Variants in RASGRF1 observed in about 807,000 individuals in gnomAD.
RASGRF1 encodes the protein Ras protein specific guanine nucleotide releasing factor 1, also known as ras-specific guanine nucleotide-releasing factor 1.
A neutral mutation model predicts 138.7 loss-of-function variants in RASGRF1; 40 were observed. The observed-to-expected ratio is 0.29, with a 90% CI of 0.22 to 0.38. The LOEUF (loss-of-function observed/expected upper bound fraction) is 0.38, where lower values mean the gene tolerates loss of function less well. RASGRF1 is among the 10% of genes least tolerant of loss of function. The pLI is 1.00. For synonymous variants in RASGRF1, 614 were observed against 663.2 expected, an observed-to-expected ratio of 0.93 and a Z score of 1.14; for missense variants, 1,108 against 1,650.4, an observed-to-expected ratio of 0.67 and a Z score of 5.69.
At chr15:78,965,551 T>C (rs1248382162) in intron 26 of RASGRF1, among the ~76,000 whole-genome samples, 1 of 152,118 alleles carries the variant, frequency 6.6e-6, no homozygotes, top group Non-Finnish European at 1.5e-5. Flanking sequence ...CACACTGGTA[T>C]AAGAATCTCA....
intron 7 of RASGRF1, among the ~76,000 whole-genome samples, chr15:79,031,725 G>A (rs2057141076): frequency 1.3e-5 from 2 of 151,146 alleles, no homozygotes; most frequent in South Asian, 4.2e-4. Flanking sequence ...TGAGCATGGG[G>A]TGCGGGCCAG....
chr15:79,083,439 G>A (rs1043372295), intron 1 of RASGRF1, among the ~76,000 whole-genome samples: 2 of 152,228 alleles, frequency 1.3e-5, no homozygotes, highest in African/African-American at 2.4e-5. Flanking sequence ...CAGATTCCAG[G>A]GAAACCGGAT....
chr15:79,057,970 C>G (rs747016955), intron 3 of RASGRF1, among the ~76,000 whole-genome samples: 1 of 152,212 alleles, frequency 6.6e-6, no homozygotes, highest in Non-Finnish European at 1.5e-5. Flanking sequence ...GCAGAATGCT[C>G]AGTCAATACA....
chr15:78,962,766 C>G (rs890350036), intron 26 of RASGRF1, among the ~76,000 whole-genome samples: 2 of 152,058 alleles, frequency 1.3e-5, no homozygotes, highest in Non-Finnish European at 2.9e-5. Flanking sequence ...ACCTGTGGTT[C>G]CAGTTACATG....
At chr15:79,031,566 G>T in intron 7 of RASGRF1, 57 bp from the exon 8 acceptor site, 1 of 1,154,074 alleles carries the variant, frequency 8.7e-7, no homozygotes, top group East Asian at 3.3e-5. Context: ...TATGGCCGGG[G>T]AGCAAGGCAG....
chr15:79,086,068 A>C (rs2057975397), intron 1 of RASGRF1, among the ~76,000 whole-genome samples: 1 of 152,088 alleles, frequency 6.6e-6, no homozygotes, highest in Admixed American at 6.5e-5. Context: ...AGTAGCCCAC[A>C]CAGTTGATCC....
intron 13 of RASGRF1, among the ~76,000 whole-genome samples, chr15:79,014,709 A>G (rs1223108123): frequency 2.0e-5 from 3 of 152,160 alleles, no homozygotes; most frequent in African/African-American, 7.2e-5. Context: ...GATGGTCAGG[A>G]GATCGAGACC....
chr15:79,045,642 AC>A (rs1270284797), intron 5 of RASGRF1, among the ~76,000 whole-genome samples: 1 of 151,834 alleles, frequency 6.6e-6, no homozygotes, highest in East Asian at 1.9e-4. Flanking sequence ...AACCTGTCCC[AC>A]CCCAGTGACT....
Position 78,991,785 on chromosome 15 carries a change from C to G in RASGRF1, c.3037G>C (p.Val1013Leu). The change falls in exon 21 of 27, where the codon GTG becomes CTG. Residue 1013 changes from valine to leucine, a missense_variant. Around this residue, in one of 3 missense-constraint regions of RASGRF1, gnomAD observed 686 missense variants for 976.7 expected, o/e 0.70. Coordinates refer to ENST00000558480, the MANE Select transcript of RASGRF1 (RefSeq NM_001145648.3). ...TGGTTTTCAAAGGGCTCAGCCTTCA[C>G]GCCTTCAGCCTGGTTTTGAGTTGGG... ...LEEITQMAEG[V>L]KAEPFENHSA... 1.2e-6 allele frequency: 2 copies of G among 1,612,120 alleles called. No homozygotes were observed. Among genetic ancestry groups the G allele is most frequent in the East Asian group, 2.2e-5 (1 of 44,802 alleles).
At chr15:79,039,296 CAAAAAAAAAAAAAAAAA>C (rs71148587) in intron 5 of RASGRF1, among the ~76,000 whole-genome samples, 3 of 50,370 alleles carry the variant, frequency 6.0e-5, no homozygotes, top group Non-Finnish European at 1.3e-4. Context: ...GACCCTGTCT[CAAAAAAAAAAAAAAAAA>C]AAAAAAAAAG....
At chr15:79,033,465 G>T (rs1409897050) in intron 6 of RASGRF1, among the ~76,000 whole-genome samples, 1 of 151,846 alleles carries the variant, frequency 6.6e-6, no homozygotes, top group Non-Finnish European at 1.5e-5. Flanking sequence ...TGGCCAGGAT[G>T]GTCTTGAACT....
chr15:78,974,956 C>T (rs1331641962), intron 24 of RASGRF1, among the ~76,000 whole-genome samples: 2 of 152,160 alleles, frequency 1.3e-5, no homozygotes, highest in Non-Finnish European at 2.9e-5. Context: ...ATACAGTTGG[C>T]ACAGTATGGC....
At chr15:79,014,264 GA>G (rs2056843807) in intron 13 of RASGRF1, among the ~76,000 whole-genome samples, 1 of 152,188 alleles carries the variant, frequency 6.6e-6, no homozygotes, top group African/African-American at 2.4e-5. Context: ...CAGAGTAAAA[GA>G]AGTCATTACG....
In RASGRF1 at chr15:79,090,709, C is replaced by T. The variant is rs1485315585; in HGVS notation, c.-211G>A. The T allele has an allele frequency of 4.5e-6, 3 of 671,336 alleles. No homozygotes were observed. The highest frequency in any genetic ancestry group is 4.9e-6 in the Non-Finnish European group (2 of 411,472). 41.6% of individuals were successfully genotyped at this position (671,336 alleles called of 1,614,324 possible). A position where few individuals can be genotyped will look rare whatever the true frequency, so the allele number is the denominator to read the frequency against. ...ACCATTCCCCGCTGGAACCTCTTCT[C>T]CGCTCCGCAGAGCCCCAGTACCCGG... On this transcript the variant is annotated 5_prime_UTR_variant, in exon 1 of 27. Coordinates refer to ENST00000558480, the MANE Select transcript of RASGRF1 (RefSeq NM_001145648.3).
chr15:79,016,045 G>A (rs1338206986), intron 12 of RASGRF1, among the ~76,000 whole-genome samples: 1 of 152,212 alleles, frequency 6.6e-6, no homozygotes, highest in Non-Finnish European at 1.5e-5. Context: ...CTTTGAATAG[G>A]AAGTACCCGC....
intron 20 of RASGRF1, among the ~76,000 whole-genome samples, chr15:78,992,345 C>T (rs924031166): frequency 2.6e-5 from 4 of 152,210 alleles, no homozygotes; most frequent in African/African-American, 9.6e-5. Context: ...GTGTCCCTGG[C>T]CCCCAGGGGC....
At chr15:79,075,769 G>A (rs1227541096) in intron 1 of RASGRF1, among the ~76,000 whole-genome samples, 1 of 152,180 alleles carries the variant, frequency 6.6e-6, no homozygotes, top group Non-Finnish European at 1.5e-5. Flanking sequence ...AGAGGAGCAG[G>A]TGGAACCCTC....
intron 16 of RASGRF1, among the ~76,000 whole-genome samples, chr15:79,001,410 G>C (rs1448432826): frequency 6.6e-6 from 1 of 151,614 alleles, no homozygotes; most frequent in Non-Finnish European, 1.5e-5. Flanking sequence ...CTTGTCTGAA[G>C]TTGGGAGAGT....
chr15:79,012,246 A>T (rs923428372), intron 13 of RASGRF1, among the ~76,000 whole-genome samples: 1 of 152,096 alleles, frequency 6.6e-6, no homozygotes, highest in Non-Finnish European at 1.5e-5. Flanking sequence ...CCCTCTTCCC[A>T]GAATGCCCTT....
Sources: allele counts gnomAD v4.1 joint callset (sites outside exome capture counted in the v4.1 genomes callset), GRCh38; gene constraint gnomAD v4.1.1; regional missense constraint gnomAD v4.1.1; transcripts MANE v1.5; gene names NCBI Gene and HGNC (gene_info 2026-07-23, HGNC 2026-07-21).